AMOTL1: variants seen among roughly 807,000 people sequenced by gnomAD.
AMOTL1 encodes the protein angiomotin like 1, also known as angiomotin-like protein 1.
AMOTL1 carries 45 observed loss-of-function variants against 102.9 expected under a neutral mutation model. The observed-to-expected ratio is 0.44, with a 90% CI of 0.34 to 0.56. The LOEUF (loss-of-function observed/expected upper bound fraction) is 0.56. Among genes scored for constraint, AMOTL1 ranks in the 20% least tolerant of loss-of-function variants. AMOTL1 has a pLI of 0.01. For missense variants in AMOTL1, 1,114 were observed against 1,225.6 expected, an observed-to-expected ratio of 0.91 and a Z score of 1.36; for synonymous variants, 481 against 484.7, an observed-to-expected ratio of 0.99 and a Z score of 0.10.
chr11:94,868,079 T>G (rs1246406719), intron 11 of AMOTL1, among the ~76,000 whole-genome samples: 2 of 152,224 alleles, frequency 1.3e-5, no homozygotes, highest in African/African-American at 4.8e-5. Flanking sequence ...ATCTGGGAGC[T>G]TCTTAGAAAT....
At chr11:94,801,285 G>T (rs1591980127) in intron 3 of AMOTL1, among the ~76,000 whole-genome samples, 1 of 152,174 alleles carries the variant, frequency 6.6e-6, no homozygotes, top group East Asian at 1.9e-4. Flanking sequence ...GAGGATTTTT[G>T]TCTGGAATGA....
At chr11:94,729,665 C>G (rs1950314965) in intron 2 of AMOTL1, among the ~76,000 whole-genome samples, 1 of 152,138 alleles carries the variant, frequency 6.6e-6, no homozygotes, top group Admixed American at 6.6e-5. Flanking sequence ...CTCCATCCCT[C>G]AAATCTGATA....
chr11:94,852,897 A>G (rs1297452071), intron 7 of AMOTL1, among the ~76,000 whole-genome samples: 1 of 152,230 alleles, frequency 6.6e-6, no homozygotes, highest in Non-Finnish European at 1.5e-5. Flanking sequence ...TCTATTATAA[A>G]TGTAATTTAT....
At chr11:94,709,124 CTG>C (rs1362710536) in intron 1 of AMOTL1, among the ~76,000 whole-genome samples, 3 of 152,226 alleles carry the variant, frequency 2.0e-5, no homozygotes, top group Non-Finnish European at 4.4e-5. Context: ...AGCTCCTAGA[CTG>C]TACAAATTCT....
At chr11:94,852,337 C>T (rs368474856) in intron 7 of AMOTL1, among the ~76,000 whole-genome samples, 2 of 152,376 alleles carry the variant, frequency 1.3e-5, no homozygotes, top group African/African-American at 2.4e-5. Context: ...GTATAACTCA[C>T]AGCAATGCTG....
At chr11:94,722,386 T>G (rs974914646) in intron 1 of AMOTL1, among the ~76,000 whole-genome samples, 3 of 152,164 alleles carry the variant, frequency 2.0e-5, no homozygotes, top group Non-Finnish European at 2.9e-5. Context: ...CACATGCTAA[T>G]AGTGATAATA....
chr11:94,830,198 G>T lies in AMOTL1; in HGVS notation c.1558+4G>T. 1 of 1,594,770 alleles carries T rather than the reference G, an allele frequency of 6.3e-7. No homozygotes were observed. The highest frequency in any genetic ancestry group is 1.2e-5 in the South Asian group (1 of 86,346). On this transcript the variant is annotated splice_donor_region_variant and intron_variant, in intron 5 of 12. Transcript: ENST00000433060. ...GATTTCAACAGAGACCTCCGAGGCAGGTTTATTCATGTTCTCTCTATCTAA... is the reference window on the plus strand; with the variant it reads ...GATTTCAACAGAGACCTCCGAGGCATGTTTATTCATGTTCTCTCTATCTAA...
chr11:94,732,469 G>C (rs1950369599), intron 2 of AMOTL1, among the ~76,000 whole-genome samples: 1 of 152,126 alleles, frequency 6.6e-6, no homozygotes, highest in African/African-American at 2.4e-5. Flanking sequence ...TATTCCCAGT[G>C]ATCTGGGCCA....
intron 6 of AMOTL1, among the ~76,000 whole-genome samples, chr11:94,835,556 A>G (rs1322402568): frequency 6.6e-6 from 1 of 152,212 alleles, no homozygotes; most frequent in South Asian, 2.1e-4. Context: ...GTGGAAATGA[A>G]ATTTCATTTT....
chr11:94,833,250 A>G (rs754170038), intron 6 of AMOTL1, among the ~76,000 whole-genome samples: 11 of 152,222 alleles, frequency 7.2e-5, no homozygotes, highest in Non-Finnish European at 1.6e-4. Context: ...GGTGATACCT[A>G]ACCAATTTTC....
chr11:94,778,464 T>G (rs1951058692), intron 1 of AMOTL1, among the ~76,000 whole-genome samples: 1 of 152,226 alleles, frequency 6.6e-6, no homozygotes, highest in Non-Finnish European at 1.5e-5. Context: ...ACTCACTAGC[T>G]TTATAATCTT....
chr11:94,800,089 C>A lies in AMOTL1; in HGVS notation c.899C>A (p.Ala300Glu). The change falls in exon 3 of 13, where the codon GCA becomes GAA. Residue 300 changes from alanine (A) to glutamate (E), a missense_variant. Transcript: ENST00000433060. ...GGGGGGCCCTCCCCTGCCCAGCCTGCAGGTAAAGTGCTGGACCCTCGGGGT... is the reference window on the plus strand; with the variant it reads ...GGGGGGCCCTCCCCTGCCCAGCCTGAAGGTAAAGTGCTGGACCCTCGGGGT... The part of the protein sequence containing the change: ...VGGGPSPAQP[A>E]GKVLDPRGPP... The A allele has an allele frequency of 6.2e-7, 1 of 1,613,896 alleles. No homozygotes were observed.
chr11:94,863,924 G>A (rs1303060496), intron 9 of AMOTL1, among the ~76,000 whole-genome samples: 1 of 152,162 alleles, frequency 6.6e-6, no homozygotes. Context: ...ACCTGAACTT[G>A]TCAAGGACAG....
At chr11:94,729,110 C>T in intron 2 of AMOTL1, 2 of 1,206,574 alleles carry the variant, frequency 1.7e-6, no homozygotes, top group Non-Finnish European at 2.2e-6. Flanking sequence ...TTCTGCACCT[C>T]ATTATGTCAA....
chr11:94,771,592 ATGT>A (rs1354671799), intron 1 of AMOTL1, among the ~76,000 whole-genome samples: 2 of 152,082 alleles, frequency 1.3e-5, no homozygotes, highest in African/African-American at 4.8e-5. Context: ...GAGAGGTACA[ATGT>A]AAATCTTGGC....
In AMOTL1 at chr11:94,754,298, C is replaced by T. The variant is rs114612262; in HGVS notation, c.136+13310C>T. Among the ~76,000 whole-genome samples, 825 of 152,288 alleles carry T rather than the reference C, an allele frequency of 5.4e-3. 8 individuals carry two copies. Among genetic ancestry groups the T allele is most frequent in the African/African-American group, 0.019 (786 of 41,550 alleles). On this transcript the variant is annotated intron_variant, in intron 3 of 4. Coordinates refer to the AMOTL1 transcript ENST00000299004. ...TCCATCCATCACAGTGTGACCCGAACGGCATCATGTATGCCTCAGAACAGC... is the reference window on the plus strand; with the variant it reads ...TCCATCCATCACAGTGTGACCCGAATGGCATCATGTATGCCTCAGAACAGC...
rs58678644 is a variant in AMOTL1, at chr11:94,858,890, T to C, written c.1945-635T>C. On this transcript the variant is annotated intron_variant, in intron 8 of 12. Transcript: ENST00000433060. ...CTTTATTTTCTCTTATTGACACAGA[T>C]GAAAAGGCCGAAAAATGAGCTTGCC... Among the ~76,000 whole-genome samples, 569 of 152,344 alleles carry C rather than the reference T, an allele frequency of 3.7e-3. 7 individuals are homozygous for C. Among genetic ancestry groups the C allele is most frequent in the African/African-American group, 0.013 (535 of 41,578 alleles).
intron 3 of AMOTL1, chr11:94,820,232 T>C (rs565482179): frequency 1.3e-5 from 2 of 148,450 alleles, no homozygotes; most frequent in South Asian, 4.3e-4. Flanking sequence ...TCTGAGTGTT[T>C]CTCTTCTGCC....
intron 1 of AMOTL1, among the ~76,000 whole-genome samples, chr11:94,773,049 T>C (rs1460352259): frequency 6.6e-6 from 1 of 152,254 alleles, no homozygotes; most frequent in African/African-American, 2.4e-5. Flanking sequence ...CTTTTGCCCA[T>C]TCCCTAACTG....
Sources: gnomAD v4.1 joint callset for allele counts (sites outside exome capture counted in the v4.1 genomes callset) on GRCh38, gnomAD v4.1.1 for gene constraint, MANE v1.5 for transcripts, NCBI Gene and HGNC (gene_info 2026-07-23, HGNC 2026-07-21) for gene names.